PPFIA1: variants seen among roughly 807,000 people sequenced by gnomAD.
The protein encoded by PPFIA1 is PPFI scaffold protein A1.
PPFIA1 carries 25 observed loss-of-function variants against 149.9 expected under a neutral mutation model. The observed-to-expected ratio is 0.17, with a 90% CI of 0.12 to 0.23. The LOEUF is 0.23. Ranked by LOEUF, PPFIA1 falls within the 10% of genes least tolerant of loss-of-function variation. The pLI is 1.00. For missense variants in PPFIA1, 1,362 were observed against 1,506.5 expected (o/e 0.90, Z 1.59); for synonymous variants, 549 against 552.8 (o/e 0.99, Z 0.10).
intron 21 of PPFIA1, chr11:70,367,698 G>A: frequency 2.3e-6 from 1 of 440,642 alleles, no homozygotes; most frequent in Non-Finnish European, 4.5e-6. Flanking sequence ...AGGAGTCTGA[G>A]CAGAGCATAT....
At chr11:70,310,036 C>A (rs933681261) in intron 2 of PPFIA1, among the ~76,000 whole-genome samples, 1 of 152,122 alleles carries the variant, frequency 6.6e-6, no homozygotes, top group African/African-American at 2.4e-5. Context: ...AATTTTAAAA[C>A]ATAAAAGCAG....
chr11:70,327,908 G>A (rs1279367777), intron 7 of PPFIA1, among the ~76,000 whole-genome samples: 2 of 152,202 alleles, frequency 1.3e-5, no homozygotes, highest in East Asian at 3.8e-4. Flanking sequence ...CTGCTTTTCA[G>A]TTTGGTAGTT....
chr11:70,353,648 C>T (rs1816799053), intron 16 of PPFIA1, among the ~76,000 whole-genome samples: 1 of 152,060 alleles, frequency 6.6e-6, no homozygotes, highest in South Asian at 2.1e-4. Context: ...AATGATAAGC[C>T]TAGAAGTATT....
chr11:70,347,069 A>G (rs2055746875), intron 15 of PPFIA1, among the ~76,000 whole-genome samples: 1 of 152,230 alleles, frequency 6.6e-6, no homozygotes, highest in Admixed American at 6.5e-5. Context: ...ACTAAAAAAA[A>G]GAACCAACTC....
intron 21 of PPFIA1, among the ~76,000 whole-genome samples, chr11:70,368,920 T>C (rs2057089784): frequency 6.6e-6 from 1 of 152,128 alleles, no homozygotes; most frequent in Admixed American, 6.5e-5. Flanking sequence ...CATCCTTCGT[T>C]TGTTCCTTAT....
intron 2 of PPFIA1, among the ~76,000 whole-genome samples, chr11:70,306,735 T>C (rs532179909): frequency 6.6e-6 from 1 of 152,280 alleles, no homozygotes; most frequent in South Asian, 2.1e-4. Flanking sequence ...TTAGGATAGG[T>C]AAAAGCAGAC....
chr11:70,325,963 T>C (rs2054250416), intron 5 of PPFIA1, among the ~76,000 whole-genome samples: 1 of 149,884 alleles, frequency 6.7e-6, no homozygotes, highest in South Asian at 2.1e-4. Flanking sequence ...AAAAGAAGTA[T>C]AAGGACTGTA....
chr11:70,332,042 C>T lies in PPFIA1; in HGVS notation c.1160C>T (p.Thr387Met), dbSNP rs1565406115. The T allele has an allele frequency of 5.6e-6, 9 of 1,612,686 alleles. No individual in the cohort carries two copies. The highest frequency in any genetic ancestry group is 7.6e-6 in the Non-Finnish European group (9 of 1,179,426). The stretch of plus-strand genomic sequence containing the variant: ...CAACAGACACTGAGGAAGGCAGAGA[C>T]GCTCCCGGAGGTGGAGGCGGAGCTG... ...KLQQTLRKAETLPEVEAELAQ... is the reference protein window; with the variant it reads ...KLQQTLRKAEMLPEVEAELAQ... The change falls in exon 9 of 28, where the codon ACG (threonine) becomes ATG (methionine). Residue 387 changes from threonine (T) to methionine (M), a missense_variant. Thr to Met is a moderately conservative substitution (Grantham distance 81). Coordinates refer to ENST00000253925, the MANE Select transcript of PPFIA1 (RefSeq NM_003626.5).
At chr11:70,350,970 C>A (rs1163701212) in intron 16 of PPFIA1, 1 of 1,244,246 alleles carries the variant, frequency 8.0e-7, no homozygotes, top group East Asian at 5.9e-5. Flanking sequence ...GGTTTCTCTT[C>A]ATTTCTTTGC....
At chr11:70,378,760 G>A (rs1203667427) in intron 26 of PPFIA1, among the ~76,000 whole-genome samples, 1 of 152,216 alleles carries the variant, frequency 6.6e-6, no homozygotes, top group Non-Finnish European at 1.5e-5. Context: ...GAGCGAGGCA[G>A]CTATTGACTA....
At chr11:70,316,039 G>A (rs61260732) in intron 2 of PPFIA1, among the ~76,000 whole-genome samples, 33,229 of 151,760 alleles carry the variant, frequency 0.22, 5,549 homozygotes, top group African/African-American at 0.46. Flanking sequence ...CACCCATATT[G>A]TATTATGTGT....
At chr11:70,338,869 G>C (rs987844461) in intron 13 of PPFIA1, among the ~76,000 whole-genome samples, 1 of 152,246 alleles carries the variant, frequency 6.6e-6, no homozygotes, top group Non-Finnish European at 1.5e-5. Context: ...TGCAGAGCCA[G>C]ACACCTGGAC....
At chr11:70,357,876 C>T (rs948136682) in intron 19 of PPFIA1, among the ~76,000 whole-genome samples, 9 of 152,124 alleles carry the variant, frequency 5.9e-5, no homozygotes, top group Non-Finnish European at 1.0e-4. Context: ...CGTGAGCCAC[C>T]GCGCCCAGCC....
chr11:70,286,248 G>A (rs1181818436), intron 2 of PPFIA1, among the ~76,000 whole-genome samples: 1 of 152,002 alleles, frequency 6.6e-6, no homozygotes, highest in Non-Finnish European at 1.5e-5. Flanking sequence ...TAGTCAGGTG[G>A]CTATGTCTCT....
intron 5 of PPFIA1, 115 bp from the exon 6 acceptor site, chr11:70,326,140 CTTTCTCT>C: frequency 1.7e-6 from 1 of 602,048 alleles, no homozygotes; most frequent in Non-Finnish European, 2.9e-6. Flanking sequence ...TTGCCATATG[CTTTCTCT>C]TTTATACTAT....
At chr11:70,338,220 C>G (rs2055098340) in intron 12 of PPFIA1, among the ~76,000 whole-genome samples, 154 bp from the exon 13 acceptor site, 1 of 152,210 alleles carries the variant, frequency 6.6e-6, no homozygotes, top group Admixed American at 6.5e-5. Flanking sequence ...TTGCAGTACT[C>G]TTGGAGAAAA....
intron 15 of PPFIA1, among the ~76,000 whole-genome samples, chr11:70,347,870 G>C (rs928613080): frequency 1.3e-5 from 2 of 152,086 alleles, no homozygotes; most frequent in African/African-American, 4.8e-5. Context: ...GGGCATGGTG[G>C]CACGCGCCTG....
intron 16 of PPFIA1, among the ~76,000 whole-genome samples, chr11:70,351,992 A>AC (rs530644817): frequency 2.0e-5 from 3 of 151,938 alleles, no homozygotes; most frequent in South Asian, 2.1e-4. Flanking sequence ...CTTTATGTTG[A>AC]CCCCAAATCT....
In PPFIA1 at chr11:70,372,294, G is replaced by C; in HGVS notation, c.2945G>C (p.Ser982Thr). The C allele has an allele frequency of 6.2e-7, 1 of 1,614,232 alleles. No individual in the cohort carries two copies. The highest frequency in any genetic ancestry group is 2.2e-5 in the East Asian group (1 of 44,884). Residue 982 changes from serine to threonine, a missense_variant, in exon 22 of 28, where the codon AGC becomes ACC. By Grantham distance (58) the Ser-to-Thr change is moderately conservative. Coordinates refer to ENST00000253925, the MANE Select transcript of PPFIA1 (RefSeq NM_003626.5). ...LPSLGLPQYR[S>T]YFMECLVDAR... Reference sequence around the variant, plus strand: ...AGCCTGGGCCTCCCCCAGTACCGCAGCTACTTCATGGAGTGCCTTGTAGAC... The same window carrying C: ...AGCCTGGGCCTCCCCCAGTACCGCACCTACTTCATGGAGTGCCTTGTAGAC...
Sources: gnomAD v4.1 joint callset for allele counts (sites outside exome capture counted in the v4.1 genomes callset) on GRCh38, gnomAD v4.1.1 for gene constraint, MANE v1.5 for transcripts, NCBI Gene and HGNC (gene_info 2026-07-23, HGNC 2026-07-21) for gene names.